Variants in WWOX observed in about 807,000 individuals in gnomAD.
The protein encoded by WWOX is WW domain-containing oxidoreductase.
Under a neutral mutation model 46.2 loss-of-function variants are expected in WWOX, and 69 were observed. The ratio of observed to expected loss-of-function variants is 1.49; its 90% CI spans 1.23 to 1.82. WWOX has a LOEUF of 1.82. Ranked by LOEUF, WWOX falls within the 40% of genes most tolerant of loss-of-function variation. The pLI, the probability that WWOX is intolerant of heterozygous loss-of-function variation, is 0.00. For synonymous variants in WWOX, 359 were observed against 202.6 expected, an observed-to-expected ratio of 1.77 and a Z score of -6.56; for missense variants, 919 against 542.6, an observed-to-expected ratio of 1.69 and a Z score of -6.89.
chr16:78,351,399 T>C, intron 5 of WWOX, among the ~76,000 whole-genome samples: 1 of 152,184 alleles, frequency 6.6e-6, no homozygotes, highest in East Asian at 1.9e-4. Context: ...CCGACTGCAT[T>C]GGTTTAGCCA....
intron 8 of WWOX, among the ~76,000 whole-genome samples, chr16:78,999,341 A>T (rs528726378): frequency 6.6e-6 from 1 of 152,220 alleles, no homozygotes; most frequent in African/African-American, 2.4e-5. Context: ...GTAGTGGCAC[A>T]TGCCTGTAAT....
At chr16:78,556,050 A>G (rs1231797432) in intron 8 of WWOX, among the ~76,000 whole-genome samples, 5 of 152,000 alleles carry the variant, frequency 3.3e-5, no homozygotes, top group Non-Finnish European at 7.4e-5. Flanking sequence ...CCGGGCTATT[A>G]ATCATCGCCC....
intron 8 of WWOX, among the ~76,000 whole-genome samples, chr16:78,572,486 T>A (rs2044740797): frequency 6.6e-6 from 1 of 150,904 alleles, no homozygotes; most frequent in Non-Finnish European, 1.5e-5. Flanking sequence ...CTCAGGGGTC[T>A]CAGGTACTTG....
chr16:78,841,633 C>G (rs2223107), intron 8 of WWOX, among the ~76,000 whole-genome samples: 1 of 151,920 alleles, frequency 6.6e-6, no homozygotes, highest in Non-Finnish European at 1.5e-5. Context: ...AAAACTCTGG[C>G]GAATTTTTTG....
At chr16:79,090,251 G>A (rs35685499) in intron 8 of WWOX, among the ~76,000 whole-genome samples, 3,975 of 151,238 alleles carry the variant, frequency 0.026, 69 homozygotes, top group African/African-American at 0.053. Flanking sequence ...AGCCTCGTGG[G>A]GTGCCATCCT....
At chr16:78,557,790 G>A (rs1424293127) in intron 8 of WWOX, among the ~76,000 whole-genome samples, 2 of 147,404 alleles carry the variant, frequency 1.4e-5, no homozygotes, top group Admixed American at 6.8e-5. Flanking sequence ...CCGCCTCCTG[G>A]GTTCAAACAA....
At chr16:79,197,484 C>T (rs146100281) in intron 8 of WWOX, among the ~76,000 whole-genome samples, 2 of 151,906 alleles carry the variant, frequency 1.3e-5, no homozygotes, top group East Asian at 1.9e-4. Context: ...CTCCAGTGAG[C>T]GAGTTCTTGA....
Position 78,616,681 on chromosome 16 carries a change from G to A in WWOX, c.1056+183929G>A, listed in dbSNP as rs115305667. On this transcript the variant is annotated intron_variant, in intron 8 of 8. Transcript: ENST00000566780. ...CCACTTGGAAGGGTGAGGCAGAATT[G>A]CTTGAACCTGGGAGGCAGTGGTTGC... Among the ~76,000 whole-genome samples, 1,057 of 152,116 alleles carry A rather than the reference G, an allele frequency of 6.9e-3. 16 individuals carry two copies. The highest frequency in any genetic ancestry group is 0.024 in the African/African-American group (999 of 41,480).
rs549103547 is a variant in WWOX at position 78,779,102 on chromosome 16, C to G, written c.1056+346350C>G. On this transcript the variant is annotated intron_variant, in intron 8 of 8. Coordinates refer to ENST00000566780, the MANE Select transcript of WWOX (RefSeq NM_016373.4). ...ACTCTATCGCCTAAAATTCTCTCTTCTACATATCTCAGTGTTGGAAAACAT... is the reference window on the plus strand; with the variant it reads ...ACTCTATCGCCTAAAATTCTCTCTTGTACATATCTCAGTGTTGGAAAACAT... Among the ~76,000 whole-genome samples, 30 of 151,618 alleles carry G rather than the reference C, an allele frequency of 2.0e-4. No homozygotes were observed. In the East Asian group the frequency reaches 5.6e-3, roughly 28 times the overall value.
At chr16:78,369,106 A>T (rs368966242) in intron 5 of WWOX, among the ~76,000 whole-genome samples, 2 of 151,116 alleles carry the variant, frequency 1.3e-5, no homozygotes, top group South Asian at 2.1e-4. Flanking sequence ...TTCTCATTGA[A>T]CTTGTGATGT....
chr16:78,447,285 T>C (rs1461634354), intron 8 of WWOX, among the ~76,000 whole-genome samples: 1 of 152,106 alleles, frequency 6.6e-6, no homozygotes, highest in Non-Finnish European at 1.5e-5. Flanking sequence ...AATGGCAATA[T>C]TTTAATACTG....
At chr16:78,977,966 G>C (rs969967128) in intron 8 of WWOX, among the ~76,000 whole-genome samples, 6 of 74,806 alleles carry the variant, frequency 8.0e-5, no homozygotes, top group African/African-American at 1.0e-4. Flanking sequence ...ACAATGGTGT[G>C]TAAATACCGC....
intron 8 of WWOX, among the ~76,000 whole-genome samples, chr16:78,470,193 G>A (rs138944715): frequency 3.2e-3 from 487 of 152,294 alleles, no homozygotes; most frequent in Middle Eastern, 0.01. Flanking sequence ...CACAAAGCTG[G>A]TGGAAGAAGT....
intron 8 of WWOX, among the ~76,000 whole-genome samples, chr16:78,739,816 A>G (rs1385264974): frequency 6.6e-6 from 1 of 151,908 alleles, no homozygotes; most frequent in East Asian, 2.0e-4. Flanking sequence ...ATCTCAAAAA[A>G]CAAACAAACA....
intron 4 of WWOX, among the ~76,000 whole-genome samples, chr16:78,163,558 G>T (rs185673761): frequency 1.3e-3 from 191 of 152,306 alleles, no homozygotes; most frequent in Non-Finnish European, 2.2e-3. Flanking sequence ...CCAAATGCTG[G>T]CCTTGCAGTT....
chr16:78,269,379 A>AT (rs1174094023), intron 5 of WWOX, among the ~76,000 whole-genome samples: 13 of 152,180 alleles, frequency 8.5e-5, no homozygotes, highest in Non-Finnish European at 1.5e-5. Context: ...TCTGGTTCCC[A>AT]TGTTAGTCCC....
At chr16:78,135,735 A>G (rs549749849) in intron 4 of WWOX, among the ~76,000 whole-genome samples, 33 of 152,328 alleles carry the variant, frequency 2.2e-4, no homozygotes, top group Middle Eastern at 3.4e-3. Flanking sequence ...ACCTTCCACT[A>G]AAACTGACTC....
intron 8 of WWOX, among the ~76,000 whole-genome samples, chr16:78,476,095 A>G (rs989125123): frequency 2.4e-4 from 37 of 152,120 alleles, no homozygotes; most frequent in African/African-American, 8.2e-4. Context: ...CTGGTGTTCT[A>G]ATTGTTACCA....
At chr16:78,225,904 C>T (rs1215971420) in intron 5 of WWOX, among the ~76,000 whole-genome samples, 2 of 152,228 alleles carry the variant, frequency 1.3e-5, no homozygotes, top group East Asian at 3.9e-4. Context: ...CCCTTCTATT[C>T]TACATCTAAA....
Sources: allele counts gnomAD v4.1 joint callset (sites outside exome capture counted in the v4.1 genomes callset), GRCh38; gene constraint gnomAD v4.1.1; transcripts MANE v1.5; gene names NCBI Gene and HGNC (gene_info 2026-07-23, HGNC 2026-07-21).